BBS9: variants seen among roughly 807,000 people sequenced by gnomAD.
BBS9 encodes Bardet-Biedl syndrome 9.
A neutral mutation model predicts 117.7 loss-of-function variants in BBS9; 89 were observed. The ratio of observed to expected loss-of-function variants is 0.76; its 90% CI spans 0.64 to 0.90. The LOEUF (loss-of-function observed/expected upper bound fraction) is 0.90. Ranked by LOEUF, BBS9 falls within the 40% of genes least tolerant of loss-of-function variation. The pLI is 0.00. For synonymous variants in BBS9, 379 were observed against 370.9 expected (o/e 1.02, Z -0.25); for missense variants, 982 against 1,042.2 (o/e 0.94, Z 0.80).
chr7:33,352,907 T>C lies in BBS9; in HGVS notation c.1552+34T>C, dbSNP rs766317072. 3.8e-6 allele frequency: 6 copies of C among 1,593,376 alleles called. No homozygotes were observed. The Admixed American group carries it at 8.3e-5, about 22-fold the overall frequency. Reference sequence around the variant, plus strand: ...AAAGATAATTTAGAAAAAAATGAATTTCAGAACTGAAATTTGATGAATTGA... The same window carrying C: ...AAAGATAATTTAGAAAAAAATGAATCTCAGAACTGAAATTTGATGAATTGA... On this transcript the variant is annotated intron_variant, in intron 15 of 22. Transcript: ENST00000242067.
intron 9 of BBS9, among the ~76,000 whole-genome samples, chr7:33,302,396 G>T (rs930065189): frequency 4.6e-5 from 7 of 152,084 alleles, no homozygotes; most frequent in African/African-American, 1.7e-4. Context: ...TCTTGTAGTG[G>T]TTTCATAGTT....
intron 5 of BBS9, among the ~76,000 whole-genome samples, chr7:33,197,844 A>G (rs1785180581): frequency 6.6e-6 from 1 of 152,018 alleles, no homozygotes; most frequent in African/African-American, 2.4e-5. Flanking sequence ...AAATTTTATG[A>G]CACCCAAGAA....
chr7:33,407,506 C>T (rs373420254), intron 19 of BBS9, among the ~76,000 whole-genome samples: 1,832 of 152,194 alleles, frequency 0.012, 20 homozygotes, highest in South Asian at 0.046. Flanking sequence ...GGAGGAGAGG[C>T]GCTCTGCTTT....
chr7:33,188,833 CT>C (rs1783581204), intron 5 of BBS9, among the ~76,000 whole-genome samples: 1 of 151,882 alleles, frequency 6.6e-6, no homozygotes, highest in Non-Finnish European at 1.5e-5. Flanking sequence ...AGGAAAGGTG[CT>C]TTGTAAAGGG....
chr7:33,488,420 A>T (rs958454428), intron 19 of BBS9, among the ~76,000 whole-genome samples: 1 of 152,130 alleles, frequency 6.6e-6, no homozygotes, highest in South Asian at 2.1e-4. Flanking sequence ...AGTTGTTGTG[A>T]ATACTTAATG....
intron 1 of BBS9, among the ~76,000 whole-genome samples, chr7:33,145,756 G>A (rs1451199617): frequency 6.6e-6 from 1 of 152,138 alleles, no homozygotes; most frequent in East Asian, 1.9e-4. Flanking sequence ...AGGTATACTA[G>A]GTCATTATAT....
At chr7:33,401,477 T>C (rs1402279280) in intron 19 of BBS9, among the ~76,000 whole-genome samples, 1 of 149,010 alleles carries the variant, frequency 6.7e-6, no homozygotes, top group African/African-American at 2.5e-5. Context: ...CTTGGAATTA[T>C]ACAATTTAAG....
intron 21 of BBS9, among the ~76,000 whole-genome samples, chr7:33,633,565 G>C (rs999279364): frequency 6.7e-6 from 1 of 148,960 alleles, no homozygotes; most frequent in Non-Finnish European, 1.5e-5. Context: ...TGATAGGAGA[G>C]GAGCTCTTTA....
At chr7:33,200,648 GT>G (rs1368592437) in intron 5 of BBS9, among the ~76,000 whole-genome samples, 1 of 152,026 alleles carries the variant, frequency 6.6e-6, no homozygotes, top group Non-Finnish European at 1.5e-5. Context: ...GAATCTGTCA[GT>G]TTTTTTCTAG....
rs554120316 is a variant in BBS9, at chr7:33,487,436, A to C, written c.2116-18027A>C. ...CTAACAGTTTACTAAAATTCATCAC[A>C]TAGATCACTTAAATTGGCCCCTAAA... is the stretch of plus-strand genomic sequence containing the variant. On this transcript the variant is annotated intron_variant, in intron 19 of 22. Transcript: ENST00000242067. Among the ~76,000 whole-genome samples, 105 of 152,358 alleles carry C rather than the reference A, an allele frequency of 6.9e-4. 2 individuals are homozygous for C. The highest frequency in any genetic ancestry group is 2.4e-3 in the African/African-American group (99 of 41,586).
chr7:33,247,941 A>G (rs1178942025), intron 5 of BBS9, among the ~76,000 whole-genome samples: 1 of 113,300 alleles, frequency 8.8e-6, no homozygotes, highest in Non-Finnish European at 2.2e-5. Context: ...TAATTTTCTT[A>G]TATTATGTTA....
intron 5 of BBS9, among the ~76,000 whole-genome samples, chr7:33,180,994 T>C (rs1490865199): frequency 2.0e-5 from 3 of 152,224 alleles, no homozygotes; most frequent in Non-Finnish European, 4.4e-5. Context: ...GTGCTGAATG[T>C]GTATGTGAAT....
intron 9 of BBS9, among the ~76,000 whole-genome samples, chr7:33,304,427 C>T (rs1807396054): frequency 6.6e-6 from 1 of 151,076 alleles, no homozygotes; most frequent in Non-Finnish European, 1.5e-5. Flanking sequence ...AGCCGCCACC[C>T]CGCCTAGGAA....
chr7:33,487,861 CTT>C (rs1363440065), intron 19 of BBS9, among the ~76,000 whole-genome samples: 3 of 152,196 alleles, frequency 2.0e-5, no homozygotes, highest in Non-Finnish European at 4.4e-5. Flanking sequence ...CTTCTTGTCT[CTT>C]TTAACATAAA....
intron 20 of BBS9, among the ~76,000 whole-genome samples, chr7:33,522,138 G>A (rs1275548666): frequency 6.6e-6 from 1 of 151,740 alleles, no homozygotes; most frequent in Non-Finnish European, 1.5e-5. Flanking sequence ...TCTTAATCCA[G>A]TCTATCATTG....
intron 19 of BBS9, chr7:33,390,396 G>A (rs3779241): frequency 0.057 from 55,685 of 985,056 alleles, 1,718 homozygotes; most frequent in East Asian, 0.15. Flanking sequence ...TCCATGATTT[G>A]TAATATTACA....
At chr7:33,242,983 G>A (rs961977674) in intron 5 of BBS9, 2 of 518,622 alleles carry the variant, frequency 3.9e-6, no homozygotes, top group Non-Finnish European at 7.7e-6. Flanking sequence ...TTGAGCCTTA[G>A]GTCTCTCCAC....
intron 19 of BBS9, among the ~76,000 whole-genome samples, chr7:33,489,667 A>G (rs1219845881): frequency 3.9e-5 from 6 of 152,262 alleles, no homozygotes; most frequent in African/African-American, 1.4e-4. Flanking sequence ...TTTTCTGAAG[A>G]TTGCTAAACA....
chr7:33,633,308 T>TAA (rs35247034), intron 21 of BBS9, among the ~76,000 whole-genome samples: 218 of 148,130 alleles, frequency 1.5e-3, no homozygotes, highest in African/African-American at 1.2e-3. Context: ...AGAAAAGACT[T>TAA]AAAAAAAAAA....
Sources: gnomAD v4.1 joint callset for allele counts (sites outside exome capture counted in the v4.1 genomes callset) on GRCh38, gnomAD v4.1.1 for gene constraint, MANE v1.5 for transcripts, NCBI Gene and HGNC (gene_info 2026-07-23, HGNC 2026-07-21) for gene names.